Variants in GRM7 observed in about 807,000 individuals in gnomAD.
The protein encoded by GRM7 is glutamate metabotropic receptor 7.
Under a neutral mutation model 84.5 loss-of-function variants are expected in GRM7, and 35 were observed. The ratio of observed to expected loss-of-function variants is 0.41; its 90% CI spans 0.32 to 0.55. The LOEUF is 0.55. Among genes scored for constraint, GRM7 ranks in the 20% least tolerant of loss-of-function variants. GRM7 has a pLI of 0.19. For synonymous variants in GRM7, 487 were observed against 455.1 expected (o/e 1.07, Z -0.89); for missense variants, 1,003 against 1,194.6 (o/e 0.84, Z 2.36).
rs1442988589 is a variant in GRM7 at position 7,151,310 on chromosome 3, G to A, written c.736+4642G>A. On this transcript the variant is annotated intron_variant, in intron 2 of 9. Coordinates refer to ENST00000357716, the MANE Select transcript of GRM7 (RefSeq NM_000844.4). This position sits in a 1 kb window ranked among gnomAD's most constrained non-coding sequence, Gnocchi z 4.5. ...TAATCCCAGCTACTGGCGAGGCTGA[G>A]GCGGGAGAACTGCTTGAACCCAGGA... is the stretch of plus-strand genomic sequence containing the variant. Among the ~76,000 whole-genome samples the A allele has an allele frequency of 6.6e-6, 1 of 152,110 alleles. No individual in the cohort carries two copies. The highest frequency in any genetic ancestry group is 2.4e-5 in the African/African-American group (1 of 41,394).
At chr3:6,903,654 T>C (rs75527302) in intron 1 of GRM7, among the ~76,000 whole-genome samples, 2,091 of 152,266 alleles carry the variant, frequency 0.014, 47 homozygotes, top group African/African-American at 0.048. Flanking sequence ...CTCTGGTTTA[T>C]ACTCAGATAT....
intron 2 of GRM7, among the ~76,000 whole-genome samples, chr3:7,231,860 C>T (rs1435367701): frequency 6.6e-6 from 1 of 152,126 alleles, no homozygotes; most frequent in South Asian, 2.1e-4. Context: ...TATTTCATTT[C>T]AACATTTATC....
chr3:7,709,960 T>C (rs1158400194), intron 9 of GRM7, among the ~76,000 whole-genome samples: 1 of 152,116 alleles, frequency 6.6e-6, no homozygotes, highest in African/African-American at 2.4e-5. Flanking sequence ...CTCCCTTTTT[T>C]CCTGTGACTT....
At chr3:7,464,525 C>T (rs1559341389) in intron 7 of GRM7, among the ~76,000 whole-genome samples, 1 of 151,970 alleles carries the variant, frequency 6.6e-6, no homozygotes. Context: ...GCCTTGAAAA[C>T]CTCCTAGAAA....
chr3:6,984,539 C>T (rs1694328995), intron 1 of GRM7, among the ~76,000 whole-genome samples: 1 of 152,202 alleles, frequency 6.6e-6, no homozygotes, highest in African/African-American at 2.4e-5. Context: ...AGGTGATATA[C>T]ATTTGCTACC....
At chr3:7,551,592 CAT>C (rs1465680370) in intron 7 of GRM7, among the ~76,000 whole-genome samples, 3 of 149,910 alleles carry the variant, frequency 2.0e-5, no homozygotes, top group Non-Finnish European at 4.4e-5. Flanking sequence ...ATAAATATAA[CAT>C]ATTAATATAT....
chr3:7,551,559 A>C (rs1383433893), intron 7 of GRM7, among the ~76,000 whole-genome samples: 1 of 151,316 alleles, frequency 6.6e-6, no homozygotes, highest in Non-Finnish European at 1.5e-5. Context: ...AATTCTTGAC[A>C]TTTACTTCAT....
At chr3:7,358,014 CATA>C (rs1347006584) in intron 4 of GRM7, among the ~76,000 whole-genome samples, 2 of 152,084 alleles carry the variant, frequency 1.3e-5, no homozygotes, top group African/African-American at 4.8e-5. Context: ...TATAGAGCAA[CATA>C]ATATTTTGCT....
chr3:6,912,391 G>A (rs1043873563), intron 1 of GRM7, among the ~76,000 whole-genome samples: 6 of 152,092 alleles, frequency 3.9e-5, no homozygotes, highest in African/African-American at 1.2e-4. Flanking sequence ...AAGGAAACTT[G>A]TTTCTAGCAA....
intron 2 of GRM7, among the ~76,000 whole-genome samples, chr3:7,180,927 C>A (rs939472846): frequency 3.3e-5 from 5 of 152,070 alleles, no homozygotes; most frequent in Non-Finnish European, 5.9e-5. Context: ...ATTCACACAC[C>A]GATTTACCTC....
At chr3:7,465,157 G>A (rs1343756355) in intron 7 of GRM7, among the ~76,000 whole-genome samples, 1 of 152,178 alleles carries the variant, frequency 6.6e-6, no homozygotes, top group Non-Finnish European at 1.5e-5. Flanking sequence ...TTGGAACTAA[G>A]TGGGAGCATT....
rs1431223678 is a variant in GRM7, at chr3:6,958,106, T to A, written c.519+96199T>A. 2.0e-5 allele frequency among the ~76,000 whole-genome samples: 3 copies of A among 152,168 alleles called. No individual in the cohort carries two copies. In the East Asian group the frequency reaches 5.8e-4, roughly 29 times the overall value. ...GTGTGTGTGTGTGTGTATATATATA[T>A]ACCCACTAGCCATCATCGTAATCAA... On this transcript the variant is annotated intron_variant, in intron 1 of 9. Transcript: ENST00000357716.
chr3:7,011,189 A>C (rs1695356774), intron 1 of GRM7, among the ~76,000 whole-genome samples: 1 of 152,202 alleles, frequency 6.6e-6, no homozygotes, highest in East Asian at 1.9e-4. Flanking sequence ...ATGTAAATTA[A>C]ATGAGCTGAC....
At chr3:6,912,603 T>C (rs1027509217) in intron 1 of GRM7, among the ~76,000 whole-genome samples, 3 of 152,188 alleles carry the variant, frequency 2.0e-5, no homozygotes, top group Non-Finnish European at 4.4e-5. Context: ...TTGGAATGCT[T>C]TTCTGTTAGG....
intron 1 of GRM7, among the ~76,000 whole-genome samples, chr3:7,123,600 G>C (rs376389552): frequency 6.6e-6 from 1 of 151,858 alleles, no homozygotes; most frequent in Non-Finnish European, 1.5e-5. Flanking sequence ...GCCTGGGCAA[G>C]AGTGAAGCTC....
intron 9 of GRM7, chr3:7,681,248 ATCCATT>A (rs1700355932): frequency 6.6e-6 from 1 of 152,214 alleles, no homozygotes; most frequent in Non-Finnish European, 1.5e-5. Context: ...ATTTCAGGTT[ATCCATT>A]AAGTCATTCA....
At chr3:7,446,825 C>T (rs535917340) in intron 5 of GRM7, among the ~76,000 whole-genome samples, 37 of 152,000 alleles carry the variant, frequency 2.4e-4, no homozygotes, top group Middle Eastern at 3.4e-3. Context: ...TCTTTTTTAT[C>T]CTAATAATTT....
intron 4 of GRM7, among the ~76,000 whole-genome samples, chr3:7,389,787 T>C (rs1460704336): frequency 6.6e-6 from 1 of 152,120 alleles, no homozygotes; most frequent in Non-Finnish European, 1.5e-5. Context: ...GAATCTTGTT[T>C]TTTTTTTAAT....
chr3:7,044,828 C>T (rs928568305), intron 1 of GRM7, among the ~76,000 whole-genome samples: 1 of 152,196 alleles, frequency 6.6e-6, no homozygotes, highest in East Asian at 1.9e-4. Flanking sequence ...AGTTTACCCA[C>T]ACTCACAGAG....
Sources: allele counts gnomAD v4.1 joint callset (sites outside exome capture counted in the v4.1 genomes callset), GRCh38; gene constraint gnomAD v4.1.1; non-coding constraint Gnocchi (gnomAD v3.1); transcripts MANE v1.5; gene names NCBI Gene and HGNC (gene_info 2026-07-23, HGNC 2026-07-21).